The following DLC1 variants were observed in gnomAD, a reference collection of about 807,000 sequenced individuals.
DLC1 encodes DLC1 Rho GTPase activating protein.
In DLC1, 54 loss-of-function variants were observed where a neutral mutation model predicts 140.3. The observed-to-expected ratio is 0.38, with a 90% confidence interval of 0.31 to 0.48. The LOEUF (loss-of-function observed/expected upper bound fraction) is 0.48. Ranked by LOEUF, DLC1 falls within the 20% of genes least tolerant of loss-of-function variation. The pLI is 0.96. For synonymous variants in DLC1, 986 were observed against 728.1 expected, an observed-to-expected ratio of 1.35 and a Z score of -5.70; for missense variants, 2,536 against 1,907.0, an observed-to-expected ratio of 1.33 and a Z score of -6.14.
At chr8:13,321,549 A>G (rs1400169747) in intron 4 of DLC1, among the ~76,000 whole-genome samples, 55 of 149,534 alleles carry the variant, frequency 3.7e-4, no homozygotes, top group African/African-American at 1.1e-3. Flanking sequence ...AAAAGAAAAA[A>G]AAAAAAAAAA....
At chr8:13,316,470 CAA>C (rs35445251) in intron 4 of DLC1, among the ~76,000 whole-genome samples, 1 of 152,038 alleles carries the variant, frequency 6.6e-6, no homozygotes, top group Admixed American at 6.6e-5. Context: ...TCTTAACCCT[CAA>C]AAGTGTCCCA....
chr8:13,584,753 C>T (rs1009710504), intron 1 of DLC1, among the ~76,000 whole-genome samples: 3 of 152,118 alleles, frequency 2.0e-5, no homozygotes, highest in East Asian at 1.9e-4. Context: ...GGGCAACTTT[C>T]GCTCAAAAAC....
chr8:13,088,427 T>G, intron 16 of DLC1, 60 bp downstream of exon 16: 7 of 1,558,104 alleles, frequency 4.5e-6, no homozygotes, highest in Non-Finnish European at 5.3e-6. Context: ...CAGTGACATA[T>G]AGGCTTGGTT....
chr8:13,088,793 G>C (rs1817790855), intron 15 of DLC1, 89 bp from the exon 16 acceptor site: 5 of 1,097,948 alleles, frequency 4.6e-6, no homozygotes, highest in Non-Finnish European at 6.7e-6. Context: ...AACAATTTTA[G>C]TTACATATAA....
chr8:13,167,899 A>C (rs542266290), intron 5 of DLC1, among the ~76,000 whole-genome samples: 6 of 152,376 alleles, frequency 3.9e-5, no homozygotes, highest in Middle Eastern at 3.4e-3. Context: ...TAGACCACCC[A>C]ATCATACAAT....
intron 2 of DLC1, among the ~76,000 whole-genome samples, chr8:13,471,622 C>G (rs568437871): frequency 5.8e-4 from 87 of 151,274 alleles, no homozygotes; most frequent in African/African-American, 1.9e-3. Context: ...ATCTGTACAA[C>G]AAAACCCTAT....
chr8:13,135,424 G>A (rs887021537), intron 5 of DLC1, among the ~76,000 whole-genome samples: 2 of 151,846 alleles, frequency 1.3e-5, no homozygotes, highest in Admixed American at 6.6e-5. Flanking sequence ...CTCGTGATCC[G>A]CCTACCTCAG....
At chr8:13,088,458 T>C (rs762428951) in intron 16 of DLC1, 29 bp downstream of exon 16, 1 of 1,611,700 alleles carries the variant, frequency 6.2e-7, no homozygotes, top group Non-Finnish European at 8.5e-7. Flanking sequence ...GTCATCCTTG[T>C]CACAAAAAAA....
At chr8:13,373,413 C>G (rs1039406502) in intron 4 of DLC1, among the ~76,000 whole-genome samples, 2 of 152,120 alleles carry the variant, frequency 1.3e-5, no homozygotes, top group Non-Finnish European at 2.9e-5. Context: ...CTCGGATGTA[C>G]AGGACAAAGT....
intron 5 of DLC1, among the ~76,000 whole-genome samples, chr8:13,219,653 A>T (rs189327218): frequency 0.012 from 1,760 of 151,944 alleles, 17 homozygotes; most frequent in Middle Eastern, 0.02. Flanking sequence ...AGATATCTAT[A>T]TATCTATATC....
intron 1 of DLC1, among the ~76,000 whole-genome samples, chr8:13,544,463 T>C (rs1160555): frequency 0.52 from 78,881 of 151,958 alleles, 20,710 homozygotes; most frequent in Admixed American, 0.6. Flanking sequence ...AGTACTTTGG[T>C]CTGAGAAAAT....
chr8:13,411,523 C>A (rs560304881), intron 2 of DLC1, among the ~76,000 whole-genome samples: 2 of 152,148 alleles, frequency 1.3e-5, no homozygotes, highest in African/African-American at 4.8e-5. Context: ...CAATAGTAGA[C>A]ACTGATGTAA....
chr8:13,303,507 T>C (rs766838590), intron 5 of DLC1, among the ~76,000 whole-genome samples: 3 of 152,154 alleles, frequency 2.0e-5, no homozygotes, highest in Non-Finnish European at 4.4e-5. Flanking sequence ...ATTAGTTCTT[T>C]GTTTTAAAAA....
intron 5 of DLC1, among the ~76,000 whole-genome samples, chr8:13,120,788 AC>A (rs1464470239): frequency 6.6e-6 from 1 of 152,008 alleles, no homozygotes; most frequent in Non-Finnish European, 1.5e-5. Context: ...AGTCCCGGAC[AC>A]CCTTTTGTGT....
At position 13,546,203 on chromosome 8, in the gene DLC1, T is replaced by C. The variant is rs140589728; in HGVS notation, c.-125-46007A>G. 3.3e-3 allele frequency among the ~76,000 whole-genome samples: 496 copies of C among 152,250 alleles called. 3 individuals are homozygous for C. The highest frequency in any genetic ancestry group is 0.011 in the African/African-American group (473 of 41,558). On this transcript the variant is annotated intron_variant, in intron 1 of 1. Coordinates refer to the DLC1 transcript ENST00000631382. ...TGGTCATTAATCTTTGTTTCAGCAA[T>C]AATCACAGACCACTATAAATTCTAA...
At chr8:13,239,219 A>G (rs1200616067) in intron 5 of DLC1, among the ~76,000 whole-genome samples, 1 of 152,090 alleles carries the variant, frequency 6.6e-6, no homozygotes, top group Non-Finnish European at 1.5e-5. Flanking sequence ...GTTAGGTGCA[A>G]ATGGCTGGGG....
intron 1 of DLC1, among the ~76,000 whole-genome samples, chr8:13,580,267 C>T (rs948140773): frequency 4.6e-5 from 7 of 151,986 alleles, no homozygotes; most frequent in African/African-American, 1.7e-4. Context: ...GGCCTACAGG[C>T]GACCGCCACC....
chr8:13,312,360 C>CAAAAAAAAA (rs777597726), intron 4 of DLC1, among the ~76,000 whole-genome samples: 68 of 6,632 alleles, frequency 0.01, 12 homozygotes, highest in African/African-American at 0.023. Flanking sequence ...GACTCCGTCT[C>CAAAAAAAAA]AAAAAAAAAA....
At chr8:13,549,926 G>C (rs756632204) in intron 1 of DLC1, among the ~76,000 whole-genome samples, 20 of 152,058 alleles carry the variant, frequency 1.3e-4, no homozygotes, top group Non-Finnish European at 2.8e-4. Context: ...CACGTGAATA[G>C]GCAGAAACAG....
Sources: allele counts gnomAD v4.1 joint callset (sites outside exome capture counted in the v4.1 genomes callset), GRCh38; gene constraint gnomAD v4.1.1; transcripts MANE v1.5; gene names NCBI Gene and HGNC (gene_info 2026-07-23, HGNC 2026-07-21).